CDH9: variants seen among roughly 807,000 people sequenced by gnomAD.
CDH9 encodes the protein cadherin-9.
Under a neutral mutation model 70.9 loss-of-function variants are expected in CDH9, and 28 were observed. That is an observed-to-expected ratio of 0.40 (90% CI 0.29 to 0.54). The LOEUF (loss-of-function observed/expected upper bound fraction) is 0.54, where lower values mean the gene tolerates loss of function less well. CDH9 is among the 20% of genes least tolerant of loss of function. The pLI is 0.59. For synonymous variants in CDH9, 409 were observed against 343.1 expected (o/e 1.19, Z -2.12); for missense variants, 874 against 984.4 (o/e 0.89, Z 1.50).
chr5:26,923,069 T>TA (rs56883597), intron 2 of CDH9, among the ~76,000 whole-genome samples: 5,625 of 94,904 alleles, frequency 0.059, 198 homozygotes, highest in East Asian at 0.1. Flanking sequence ...TTACATGAAT[T>TA]AAAAAAAAAA....
At chr5:26,982,514 A>C (rs944700077) in intron 2 of CDH9, among the ~76,000 whole-genome samples, 1 of 152,136 alleles carries the variant, frequency 6.6e-6, no homozygotes, top group Admixed American at 6.5e-5. Flanking sequence ...TAAAGAATAA[A>C]GATTTTTAAA....
chr5:26,947,858 T>C (rs1338883694), intron 2 of CDH9, among the ~76,000 whole-genome samples: 4 of 152,174 alleles, frequency 2.6e-5, no homozygotes, highest in Non-Finnish European at 5.9e-5. Flanking sequence ...GATCTCCTCC[T>C]GGCCAAGACA....
intron 1 of CDH9, among the ~76,000 whole-genome samples, chr5:26,994,125 C>T (rs1038493293): frequency 2.6e-5 from 4 of 152,132 alleles, no homozygotes; most frequent in Non-Finnish European, 5.9e-5. Context: ...TACCTGCTTG[C>T]TATCAGTGGT....
chr5:26,969,395 T>G (rs1484941615), intron 2 of CDH9, among the ~76,000 whole-genome samples: 5 of 152,102 alleles, frequency 3.3e-5, no homozygotes, highest in Admixed American at 1.3e-4. Flanking sequence ...AGAACTACAT[T>G]TCACTATTGT....
At chr5:27,015,255 G>A (rs369808487) in intron 1 of CDH9, among the ~76,000 whole-genome samples, 1 of 151,642 alleles carries the variant, frequency 6.6e-6, no homozygotes, top group Non-Finnish European at 1.5e-5. Context: ...AATACCCAAG[G>A]AGGGTATTAT....
At chr5:26,951,152 G>A (rs1378413687) in intron 2 of CDH9, among the ~76,000 whole-genome samples, 1 of 151,848 alleles carries the variant, frequency 6.6e-6, no homozygotes, top group Non-Finnish European at 1.5e-5. Flanking sequence ...AATTAGCCAG[G>A]CATGGTGGCA....
intron 2 of CDH9, among the ~76,000 whole-genome samples, chr5:26,958,477 C>T (rs6895155): frequency 0.97 from 147,942 of 152,286 alleles, 72,029 homozygotes; most frequent in Middle Eastern, 1. Flanking sequence ...TCCACAGGCA[C>T]CTTTAAGGCA....
At chr5:26,931,140 A>G (rs2112023946) in intron 2 of CDH9, among the ~76,000 whole-genome samples, 1 of 152,292 alleles carries the variant, frequency 6.6e-6, no homozygotes, top group Non-Finnish European at 1.5e-5. Flanking sequence ...TGGACAGCAG[A>G]AAAGAAGCAA....
At chr5:26,924,670 G>A (rs1292679812) in intron 2 of CDH9, among the ~76,000 whole-genome samples, 1 of 151,902 alleles carries the variant, frequency 6.6e-6, no homozygotes, top group Non-Finnish European at 1.5e-5. Flanking sequence ...TTTACATTAG[G>A]TGTTTCTCTT....
chr5:26,915,828 C>T lies in CDH9; in HGVS notation c.325G>A (p.Asp109Asn), dbSNP rs1190956402. ...SLFVIDENTG[D>N]IHAAKKLDRE... ...TCTAGTTTCTTTGCAGCATGAATGT[C>T]TCCTGTATTTTCATCTATAACAAAT... The change falls in exon 3 of 12, where the codon GAC (aspartate) becomes AAC (asparagine). Residue 109 changes from aspartate (D) to asparagine (N), a missense_variant. By Grantham distance (23) the Asp-to-Asn change is conservative. Transcript: ENST00000231021. The T allele has an allele frequency of 6.2e-7, 1 of 1,612,942 alleles. No individual in the cohort carries two copies. Among genetic ancestry groups the T allele is most frequent in the East Asian group, 2.2e-5 (1 of 44,848 alleles).
chr5:26,922,937 A>T (rs1044069647), intron 2 of CDH9, among the ~76,000 whole-genome samples: 1 of 151,678 alleles, frequency 6.6e-6, no homozygotes, highest in Admixed American at 6.6e-5. Flanking sequence ...AATGAGGTTA[A>T]AAAAAGAAAG....
At chr5:26,925,493 G>A (rs1346851968) in intron 2 of CDH9, among the ~76,000 whole-genome samples, 2 of 152,064 alleles carry the variant, frequency 1.3e-5, no homozygotes, top group African/African-American at 2.4e-5. Flanking sequence ...CTCCCATTCT[G>A]TAGGTTGCTT....
intron 1 of CDH9, among the ~76,000 whole-genome samples, chr5:27,001,775 A>C (rs771607352): frequency 1.2e-4 from 19 of 152,016 alleles, no homozygotes; most frequent in Non-Finnish European, 1.0e-4. Context: ...AGAAGGAAAT[A>C]CATGATGAAC....
intron 1 of CDH9, among the ~76,000 whole-genome samples, chr5:27,026,301 C>G (rs1340317148): frequency 6.6e-6 from 1 of 151,770 alleles, no homozygotes; most frequent in Non-Finnish European, 1.5e-5. Context: ...ATTAAATTAA[C>G]TAGAGTTAGA....
Position 26,935,867 on chromosome 5 carries a change from A to G in CDH9, c.229-19943T>C, listed in dbSNP as rs973263555. Among the ~76,000 whole-genome samples, 4 of 151,382 alleles carry G rather than the reference A, an allele frequency of 2.6e-5. No individual in the cohort carries two copies. The South Asian group carries it at 8.4e-4, about 32-fold the overall frequency. On this transcript the variant is annotated intron_variant, in intron 2 of 11. Coordinates refer to ENST00000231021, the MANE Select transcript of CDH9 (RefSeq NM_016279.4). The stretch of plus-strand genomic sequence containing the variant: ...ATGGAACCAACCTAAGTGCCTATCA[A>G]TCAACAAATGAATAAAGTGGCATAT...
At chr5:26,960,662 A>G (rs1442238751) in intron 2 of CDH9, among the ~76,000 whole-genome samples, 1 of 152,024 alleles carries the variant, frequency 6.6e-6, no homozygotes, top group Admixed American at 6.6e-5. Context: ...CTTTATATGC[A>G]CTAGTATATA....
chr5:26,945,111 CT>C (rs138515228), intron 2 of CDH9, among the ~76,000 whole-genome samples: 8 of 150,212 alleles, frequency 5.3e-5, no homozygotes, highest in South Asian at 2.1e-4. Context: ...TACATTTTTA[CT>C]TTTTTTTTAG....
intron 7 of CDH9, among the ~76,000 whole-genome samples, chr5:26,899,117 T>G (rs1192296032): frequency 6.6e-6 from 1 of 152,026 alleles, no homozygotes; most frequent in African/African-American, 2.4e-5. Context: ...AAAACCACAA[T>G]GAGACACCAT....
chr5:26,950,996 A>G (rs1741834055), intron 2 of CDH9, among the ~76,000 whole-genome samples: 1 of 152,010 alleles, frequency 6.6e-6, no homozygotes, highest in African/African-American at 2.4e-5. Context: ...CTGGGGAGAC[A>G]CTCCTTGGAA....
Sources: allele counts gnomAD v4.1 joint callset (sites outside exome capture counted in the v4.1 genomes callset), GRCh38; gene constraint gnomAD v4.1.1; transcripts MANE v1.5; gene names NCBI Gene and HGNC (gene_info 2026-07-23, HGNC 2026-07-21).